Variants in CTCF observed in about 807,000 individuals in gnomAD.
CTCF encodes the protein transcriptional repressor CTCF.
Under a neutral mutation model 72.3 loss-of-function variants are expected in CTCF, and 7 were observed. That is an observed-to-expected ratio of 0.10 (90% CI 0.06 to 0.18). CTCF has a LOEUF of 0.18. Among genes scored for constraint, CTCF ranks in the 10% least tolerant of loss-of-function variants. CTCF has a pLI of 1.00. For missense variants in CTCF, 516 were observed against 949.1 expected (o/e 0.54, Z 6.00); for synonymous variants, 374 against 315.8 (o/e 1.18, Z -1.95).
In CTCF at chr16:67,629,432, G is replaced by C; in HGVS notation, c.1736G>C (p.Gly579Ala). Reference sequence around the variant, plus strand: ...GCAAGACATGCTGATAATTGTGCTGGCCCAGATGGCGTAGAGGGGGAAAAT... The same window carrying C: ...GCAAGACATGCTGATAATTGTGCTGCCCCAGATGGCGTAGAGGGGGAAAAT... ...TMARHADNCA[G>A]PDGVEGENGG... is the part of the protein sequence containing the mutation. Residue 579 changes from glycine (G) to alanine (A), a missense_variant, in exon 10 of 12, where the codon GGC becomes GCC. Around this residue, in one of 7 missense-constraint regions of CTCF, gnomAD observed 157 missense variants for 172.9 expected, o/e 0.91. Coordinates refer to ENST00000264010, the MANE Select transcript of CTCF (RefSeq NM_006565.4). 2 of 1,610,032 alleles carry C rather than the reference G, an allele frequency of 1.2e-6. No individual in the cohort carries two copies. Among genetic ancestry groups the C allele is most frequent in the South Asian group, 1.1e-5 (1 of 90,238 alleles).
At chr16:67,588,491 G>A (rs1303599694) in intron 2 of CTCF, among the ~76,000 whole-genome samples, 2 of 152,038 alleles carry the variant, frequency 1.3e-5, no homozygotes, top group East Asian at 1.9e-4. Flanking sequence ...AGAAAGTGAA[G>A]CTTAGGTTAC....
intron 9 of CTCF, 69 bp from the exon 10 acceptor site, chr16:67,629,329 A>G: frequency 2.1e-6 from 3 of 1,446,934 alleles, no homozygotes; most frequent in Non-Finnish European, 2.8e-6. Flanking sequence ...ATTTTATTAA[A>G]GTAAATAACT....
At chr16:67,600,992 G>A (rs2051878704) in intron 2 of CTCF, among the ~76,000 whole-genome samples, 1 of 152,120 alleles carries the variant, frequency 6.6e-6, no homozygotes, top group Admixed American at 6.6e-5. Flanking sequence ...TAGAGTGAGT[G>A]GGTATGTTTT....
chr16:67,625,066 AGG>A, intron 7 of CTCF, among the ~76,000 whole-genome samples: 1 of 152,128 alleles, frequency 6.6e-6, no homozygotes, highest in African/African-American at 2.4e-5. Context: ...CTGGGACCAC[AGG>A]TGTACGCCAC....
chr16:67,629,447 A>T lies in CTCF; in HGVS notation c.1751A>T (p.Glu584Val). 6.2e-7 allele frequency: 1 copy of T among 1,611,236 alleles called. No individual in the cohort carries two copies. The highest frequency in any genetic ancestry group is 1.1e-5 in the South Asian group (1 of 90,414). ...ADNCAGPDGV[E>V]GENGGETKKS... Reference sequence around the variant, plus strand: ...AATTGTGCTGGCCCAGATGGCGTAGAGGGGGAAAATGGAGGAGAAACGAAG... The same window carrying T: ...AATTGTGCTGGCCCAGATGGCGTAGTGGGGGAAAATGGAGGAGAAACGAAG... The change falls in exon 10 of 12, where the codon GAG becomes GTG. Residue 584 changes from glutamate (E) to valine (V), a missense_variant. Glu to Val is a moderately radical substitution (Grantham distance 121, BLOSUM62 -2). Coordinates refer to ENST00000264010, the MANE Select transcript of CTCF (RefSeq NM_006565.4).
chr16:67,611,527 A>T lies in CTCF; in HGVS notation c.695A>T (p.Gln232Leu), dbSNP rs370955794. 1 of 1,614,226 alleles carries T rather than the reference A, an allele frequency of 6.2e-7. No individual in the cohort carries two copies. The highest frequency in any genetic ancestry group is 8.5e-7 in the Non-Finnish European group (1 of 1,180,018). Residue 232 changes from glutamine to leucine, a missense_variant, in exon 3 of 12, where the codon CAG (glutamine) becomes CTG (leucine). By Grantham distance (113) the Gln-to-Leu change is moderately radical. Around this residue, in one of 7 missense-constraint regions of CTCF, gnomAD observed 70 missense variants for 290.1 expected, o/e 0.24. Coordinates refer to ENST00000264010, the MANE Select transcript of CTCF (RefSeq NM_006565.4). ...TCTGTCTACGATTTTGAGGAAGAACAGCAGGAGGGTCTGCTATCAGAGGTT... is the reference window on the plus strand; with the variant it reads ...TCTGTCTACGATTTTGAGGAAGAACTGCAGGAGGGTCTGCTATCAGAGGTT... ...DVSVYDFEEE[Q>L]QEGLLSEVNA... is the part of the protein sequence containing the mutation.
intron 7 of CTCF, among the ~76,000 whole-genome samples, chr16:67,621,813 C>T (rs1196399896): frequency 1.4e-5 from 2 of 146,050 alleles, no homozygotes; most frequent in African/African-American, 5.2e-5. Flanking sequence ...AGATTCTGTC[C>T]TGAGTAAAAC....
intron 7 of CTCF, among the ~76,000 whole-genome samples, chr16:67,624,577 C>T (rs759018482): frequency 2.0e-5 from 3 of 151,964 alleles, no homozygotes; most frequent in Non-Finnish European, 2.9e-5. Flanking sequence ...CTGGCCTTAA[C>T]TCCAAGGTTT....
chr16:67,573,902 G>A (rs1028385124), intron 2 of CTCF, among the ~76,000 whole-genome samples: 1 of 151,956 alleles, frequency 6.6e-6, no homozygotes, highest in Non-Finnish European at 1.5e-5. Context: ...GTTGTGGTGC[G>A]TGCCTGTAGT....
chr16:67,601,982 G>A (rs1328221610), intron 2 of CTCF, among the ~76,000 whole-genome samples: 1 of 151,274 alleles, frequency 6.6e-6, no homozygotes, highest in Non-Finnish European at 1.5e-5. Context: ...TCCTGCCTCA[G>A]CCTCCCAAAT....
chr16:67,563,845 C>G (rs1339727945), intron 1 of CTCF: 2 of 152,202 alleles, frequency 1.3e-5, no homozygotes, highest in South Asian at 2.1e-4. Flanking sequence ...GAAGGCGGTT[C>G]TGCCCCAGGA....
chr16:67,586,629 G>A (rs1209610200), intron 2 of CTCF, among the ~76,000 whole-genome samples: 1 of 151,986 alleles, frequency 6.6e-6, no homozygotes, highest in East Asian at 1.9e-4. Context: ...CCTGGGAGGT[G>A]GAGGTTCCAG....
intron 2 of CTCF, among the ~76,000 whole-genome samples, chr16:67,585,135 T>C (rs901593591): frequency 2.0e-5 from 3 of 152,214 alleles, no homozygotes; most frequent in Non-Finnish European, 4.4e-5. Context: ...AACCTCCTCC[T>C]GCCTCCTGGG....
chr16:67,572,663 C>G (rs1368873281), intron 2 of CTCF: 1 of 152,140 alleles, frequency 6.6e-6, no homozygotes, highest in Non-Finnish European at 1.5e-5. Context: ...ATTGGAAGGC[C>G]AAGGCCTCCA....
At chr16:67,610,198 A>G (rs1000726682) in intron 2 of CTCF, among the ~76,000 whole-genome samples, 2 of 152,080 alleles carry the variant, frequency 1.3e-5, no homozygotes, top group African/African-American at 4.8e-5. Context: ...TTCCCTCGGT[A>G]TGGATTTCAC....
intron 7 of CTCF, among the ~76,000 whole-genome samples, chr16:67,622,861 C>T (rs1194892596): frequency 6.7e-6 from 1 of 148,616 alleles, no homozygotes; most frequent in Non-Finnish European, 1.5e-5. Context: ...GGGGTTTCAC[C>T]ATGTTGGCCA....
intron 2 of CTCF, among the ~76,000 whole-genome samples, chr16:67,601,181 AAGG>A (rs1193010889): frequency 6.6e-6 from 1 of 151,556 alleles, no homozygotes; most frequent in Non-Finnish European, 1.5e-5. Context: ...AAGAAAGTAA[AAGG>A]AGAGATCCAC....
At chr16:67,569,726 C>A (rs1174893884) in intron 1 of CTCF, among the ~76,000 whole-genome samples, 2 of 151,004 alleles carry the variant, frequency 1.3e-5, no homozygotes, top group East Asian at 3.9e-4. Flanking sequence ...AGCTCTGTCG[C>A]CCAGGCTGGA....
intron 10 of CTCF, among the ~76,000 whole-genome samples, chr16:67,636,379 A>G (rs1230644811): frequency 6.6e-6 from 1 of 150,806 alleles, no homozygotes. Flanking sequence ...CTCAAAAAAA[A>G]AAAAAGAAGG....
Sources: gnomAD v4.1 joint callset for allele counts (sites outside exome capture counted in the v4.1 genomes callset) on GRCh38, gnomAD v4.1.1 for gene constraint, gnomAD v4.1.1 regional missense constraint, MANE v1.5 for transcripts, NCBI Gene and HGNC (gene_info 2026-07-23, HGNC 2026-07-21) for gene names.